The following BAIAP2L1 variants were observed in gnomAD, a reference collection of about 807,000 sequenced individuals.
BAIAP2L1 encodes BAR/IMD domain containing adaptor protein 2 like 1.
Under a neutral mutation model 66.3 loss-of-function variants are expected in BAIAP2L1, and 35 were observed. That is an observed-to-expected ratio of 0.53 (90% confidence interval 0.40 to 0.70). The LOEUF (loss-of-function observed/expected upper bound fraction) is 0.70. BAIAP2L1 is among the 30% of genes least tolerant of loss of function. BAIAP2L1 has a pLI of 0.00. For synonymous variants in BAIAP2L1, 269 were observed against 248.7 expected (o/e 1.08, Z -0.77); for missense variants, 622 against 656.9 (o/e 0.95, Z 0.58).
chr7:98,304,441 C>A, intron 11 of BAIAP2L1, 65 bp from the exon 12 acceptor site: 5 of 1,538,824 alleles, frequency 3.2e-6, no homozygotes, highest in Non-Finnish European at 4.4e-6. Context: ...CAAACATCCT[C>A]TGTGTCCCTG....
chr7:98,400,686 G>T, intron 1 of BAIAP2L1, 116 bp downstream of exon 1: 1 of 1,221,180 alleles, frequency 8.2e-7, no homozygotes. Flanking sequence ...GGGAGAGGTG[G>T]AAGGACGCGG....
intron 5 of BAIAP2L1, 63 bp downstream of exon 5, chr7:98,319,995 T>C (rs1235177714): frequency 7.3e-6 from 10 of 1,366,730 alleles, no homozygotes; most frequent in Non-Finnish European, 9.2e-6. Flanking sequence ...TGGGAACGAG[T>C]TCTCCCCAGG....
At chr7:98,387,430 T>C (rs1802921639) in intron 1 of BAIAP2L1, among the ~76,000 whole-genome samples, 2 of 152,206 alleles carry the variant, frequency 1.3e-5, no homozygotes, top group African/African-American at 4.8e-5. Flanking sequence ...GCAGTTGTTA[T>C]TACTGACACG....
chr7:98,379,912 G>A (rs56997921), intron 1 of BAIAP2L1, among the ~76,000 whole-genome samples: 38,190 of 152,044 alleles, frequency 0.25, 5,047 homozygotes, highest in East Asian at 0.45. Context: ...AAGCGAGAAT[G>A]AGTAATGATA....
intron 1 of BAIAP2L1, among the ~76,000 whole-genome samples, chr7:98,397,385 C>T (rs563580869): frequency 2.9e-4 from 40 of 138,196 alleles, no homozygotes; most frequent in African/African-American, 8.8e-4. Flanking sequence ...AGTGCAGTGG[C>T]GCCATCTTGG....
chr7:98,343,479 G>A (rs1801798002), intron 3 of BAIAP2L1, among the ~76,000 whole-genome samples: 1 of 151,964 alleles, frequency 6.6e-6, no homozygotes, highest in African/African-American at 2.4e-5. Flanking sequence ...AAAATAAACA[G>A]TTGGATTAAA....
At chr7:98,375,011 C>T (rs1301471997) in intron 1 of BAIAP2L1, among the ~76,000 whole-genome samples, 1 of 151,990 alleles carries the variant, frequency 6.6e-6, no homozygotes, top group Non-Finnish European at 1.5e-5. Flanking sequence ...TGCTTGACCC[C>T]AGGAGGCGGA....
intron 3 of BAIAP2L1, among the ~76,000 whole-genome samples, chr7:98,332,885 G>A (rs932280606): frequency 6.7e-5 from 10 of 149,072 alleles, no homozygotes; most frequent in East Asian, 2.0e-4. Context: ...ATCTGCACCC[G>A]GGGTTAAGAG....
chr7:98,335,524 T>C (rs1801599325), intron 3 of BAIAP2L1, among the ~76,000 whole-genome samples: 1 of 152,254 alleles, frequency 6.6e-6, no homozygotes, highest in Admixed American at 6.5e-5. Context: ...TTATTAATGC[T>C]GTAAATAAGG....
chr7:98,354,160 A>T (rs1474594123), intron 3 of BAIAP2L1, among the ~76,000 whole-genome samples: 2 of 151,448 alleles, frequency 1.3e-5, no homozygotes, highest in African/African-American at 4.9e-5. Context: ...CAGCTCCTCA[A>T]CTCCACTGTC....
intron 1 of BAIAP2L1, among the ~76,000 whole-genome samples, chr7:98,378,508 T>C (rs957876973): frequency 1.3e-5 from 2 of 152,194 alleles, no homozygotes; most frequent in African/African-American, 4.8e-5. Context: ...CTTCCACAAA[T>C]GGTGGCAACC....
chr7:98,343,284 CACAG>C (rs1206394004), intron 3 of BAIAP2L1, among the ~76,000 whole-genome samples: 100 of 137,622 alleles, frequency 7.3e-4, no homozygotes, highest in Middle Eastern at 4.0e-3. Flanking sequence ...CACACACACA[CACAG>C]ACACACACAC....
chr7:98,322,153 G>A (rs796160273), intron 3 of BAIAP2L1, among the ~76,000 whole-genome samples: 6 of 152,070 alleles, frequency 3.9e-5, no homozygotes, highest in South Asian at 2.1e-4. Flanking sequence ...GGGAGGAATC[G>A]GAATGAGGAC....
At chr7:98,336,069 T>A (rs1801609423) in intron 3 of BAIAP2L1, among the ~76,000 whole-genome samples, 1 of 149,248 alleles carries the variant, frequency 6.7e-6, no homozygotes, top group Non-Finnish European at 1.5e-5. Context: ...ACCGCATATC[T>A]CACTTATAAG....
At chr7:98,393,132 CACACATATGTGTACATATATAT>C (rs1562796007) in intron 1 of BAIAP2L1, among the ~76,000 whole-genome samples, 5 of 71,908 alleles carry the variant, frequency 7.0e-5, no homozygotes, top group Non-Finnish European at 9.3e-5. Flanking sequence ...TGTATATATA[CACACATATGTGTACATATATAT>C]GTACACATAT....
At chr7:98,293,681 CTGTG>C in intron 13 of BAIAP2L1, 85 bp from the exon 14 acceptor site, 2 of 1,354,568 alleles carry the variant, frequency 1.5e-6, no homozygotes, top group Non-Finnish European at 2.1e-6. Context: ...CGTTCTTGCC[CTGTG>C]AGACTGGGCG....
Position 98,292,692 on chromosome 7 carries a change from T to TCA in BAIAP2L1, c.*827_*828dup, listed in dbSNP as rs1474678342. 17 of 1,551,514 alleles carry TCA rather than the reference T, an allele frequency of 1.1e-5. No individual in the cohort carries two copies. Among genetic ancestry groups the TCA allele is most frequent in the Non-Finnish European group, 1.5e-5 (17 of 1,146,984 alleles). On this transcript the variant is annotated 3_prime_UTR_variant, in exon 14 of 14. Coordinates refer to ENST00000005260, the MANE Select transcript of BAIAP2L1 (RefSeq NM_018842.5). ...TATCCTTTGAGAGTCTGTACCTGAT[T>TCA]CAAACACGGAGAAACCAGGACCCCG...
intron 1 of BAIAP2L1, among the ~76,000 whole-genome samples, chr7:98,377,359 T>G (rs1802657099): frequency 6.6e-6 from 1 of 152,134 alleles, no homozygotes; most frequent in South Asian, 2.1e-4. Context: ...ATGTGACATA[T>G]TTCTCCATTT....
At chr7:98,340,380 C>T (rs1397445271) in intron 3 of BAIAP2L1, among the ~76,000 whole-genome samples, 1 of 152,152 alleles carries the variant, frequency 6.6e-6, no homozygotes, top group Admixed American at 6.5e-5. Context: ...CTCTGCCTCC[C>T]GGGTTCACGC....
Sources: allele counts gnomAD v4.1 joint callset (sites outside exome capture counted in the v4.1 genomes callset), GRCh38; gene constraint gnomAD v4.1.1; transcripts MANE v1.5; gene names NCBI Gene and HGNC (gene_info 2026-07-23, HGNC 2026-07-21).